UNC13C: variants seen among roughly 807,000 people sequenced by gnomAD.
UNC13C encodes the protein unc-13 homolog C, also known as protein unc-13 homolog C.
In UNC13C, 174 loss-of-function variants were observed where a neutral mutation model predicts 245.4. The observed-to-expected ratio is 0.71, with a 90% CI of 0.63 to 0.80. UNC13C has a LOEUF of 0.80. UNC13C is among the 30% of genes least tolerant of loss of function. The probability of loss-of-function intolerance (pLI) is 0.00; values close to 1 mark genes in which losing one functional copy is unlikely to be tolerated. For synonymous variants in UNC13C, 992 were observed against 895.1 expected (o/e 1.11, Z -1.93); for missense variants, 2,829 against 2,602.9 (o/e 1.09, Z -1.89).
At chr15:53,987,200 A>T (rs1289260164) in intron 1 of UNC13C, among the ~76,000 whole-genome samples, 2 of 152,078 alleles carry the variant, frequency 1.3e-5, no homozygotes, top group African/African-American at 4.8e-5. Context: ...TATTTTAGAT[A>T]AATAGGCATT....
intron 1 of UNC13C, among the ~76,000 whole-genome samples, chr15:53,979,634 A>G (rs1294979926): frequency 1.3e-5 from 2 of 152,114 alleles, no homozygotes; most frequent in Non-Finnish European, 2.9e-5. Flanking sequence ...CAGATATACA[A>G]CAATAGTAAT....
chr15:54,529,462 C>T (rs182627447), intron 25 of UNC13C, among the ~76,000 whole-genome samples: 2 of 152,010 alleles, frequency 1.3e-5, no homozygotes, highest in Admixed American at 6.6e-5. Context: ...AATGTAAATG[C>T]TAAAATACAA....
chr15:54,288,473 G>A (rs1201027147), intron 10 of UNC13C, among the ~76,000 whole-genome samples: 1 of 152,004 alleles, frequency 6.6e-6, no homozygotes, highest in East Asian at 1.9e-4. Context: ...TTCCTAGCTG[G>A]GGAGATGCTC....
rs1324914143 is a variant in UNC13C, at chr15:54,567,702, AATTGT to A, written c.5959-94_5959-90del. The A allele has an allele frequency of 2.6e-6, 3 of 1,165,270 alleles. No homozygotes were observed. In the African/African-American group the frequency reaches 4.7e-5, roughly 18 times the overall value. 72.2% of individuals were successfully genotyped at this position (1,165,270 alleles called of 1,614,324 possible). A position where few individuals can be genotyped will look rare whatever the true frequency, so the allele number is the denominator to read the frequency against. On this transcript the variant is annotated intron_variant, in intron 29 of 32. Transcript: ENST00000260323. ...ATTTTTTTGTATCTTGCATTGATCA[AATTGT>A]ATTATTCCATTTGAGCTTCTCTATT... is the stretch of plus-strand genomic sequence containing the variant.
intron 4 of UNC13C, among the ~76,000 whole-genome samples, chr15:54,195,663 A>C (rs765727312): frequency 1.3e-5 from 2 of 152,092 alleles, no homozygotes; most frequent in Non-Finnish European, 2.9e-5. Flanking sequence ...TTTCGTCTCT[A>C]TACTCTTACA....
At chr15:54,003,131 C>A (rs1249110932) in intron 1 of UNC13C, among the ~76,000 whole-genome samples, 1 of 152,116 alleles carries the variant, frequency 6.6e-6, no homozygotes, top group African/African-American at 2.4e-5. Context: ...AACCCTGCTG[C>A]CTGAATTCAG....
intron 30 of UNC13C, among the ~76,000 whole-genome samples, chr15:54,602,973 ATAGG>A (rs571701870): frequency 5.4e-3 from 218 of 40,304 alleles, no homozygotes; most frequent in African/African-American, 0.037. Flanking sequence ...AGGCAAGATA[ATAGG>A]TAGGATCAGT....
At chr15:53,928,963 G>T in the UNC13C span, among the ~76,000 whole-genome samples, 1 of 152,170 alleles carries the variant, frequency 6.6e-6, no homozygotes, top group African/African-American at 2.4e-5. Context: ...GAAAGAAAAG[G>T]ATCATACTTA....
At chr15:54,597,422 G>A (rs548167688) in intron 30 of UNC13C, among the ~76,000 whole-genome samples, 58 of 152,140 alleles carry the variant, frequency 3.8e-4, no homozygotes, top group African/African-American at 1.2e-3. Context: ...CGAACCTACA[G>A]GCCAAAGTTT....
At chr15:53,983,494 C>A (rs1894007322) in intron 1 of UNC13C, among the ~76,000 whole-genome samples, 1 of 152,062 alleles carries the variant, frequency 6.6e-6, no homozygotes, top group African/African-American at 2.4e-5. Context: ...AAAATTAATA[C>A]TTGATTCTTT....
intron 24 of UNC13C, among the ~76,000 whole-genome samples, chr15:54,514,364 C>G (rs900519535): frequency 1.3e-5 from 2 of 152,184 alleles, no homozygotes; most frequent in African/African-American, 2.4e-5. Flanking sequence ...GGTTGTAAAA[C>G]CTTTCACTGG....
chr15:54,414,852 G>C, intron 18 of UNC13C, 130 bp from the exon 19 acceptor site: 1 of 518,116 alleles, frequency 1.9e-6, no homozygotes, highest in Non-Finnish European at 3.3e-6. Flanking sequence ...AGTTCATAAA[G>C]AGAAATGTCA....
intron 19 of UNC13C, among the ~76,000 whole-genome samples, chr15:54,436,835 AAAAT>A (rs1434733886): frequency 6.6e-6 from 1 of 151,974 alleles, no homozygotes; most frequent in Non-Finnish European, 1.5e-5. Flanking sequence ...TAAAATTAAG[AAAAT>A]AAAAAGAAAA....
At chr15:53,926,932 G>A in the UNC13C span, among the ~76,000 whole-genome samples, 13 of 152,136 alleles carry the variant, frequency 8.5e-5, no homozygotes, top group Non-Finnish European at 4.4e-5. Flanking sequence ...AGGTAAGCAG[G>A]TGCTGGATTA....
chr15:54,077,355 C>CCTTTT (rs1257535671), intron 2 of UNC13C, among the ~76,000 whole-genome samples: 9 of 124,426 alleles, frequency 7.2e-5, no homozygotes, highest in East Asian at 2.3e-4. Context: ...TTTTATTTTT[C>CCTTTT]CTTTTCTTTT....
At chr15:54,231,779 C>G (rs146559100) in intron 4 of UNC13C, among the ~76,000 whole-genome samples, 2 of 152,076 alleles carry the variant, frequency 1.3e-5, no homozygotes, top group East Asian at 1.9e-4. Context: ...CAGACCTTAC[C>G]TTTAGAGTTA....
At chr15:54,555,620 G>T in intron 29 of UNC13C, 108 bp downstream of exon 29, 1 of 798,286 alleles carries the variant, frequency 1.3e-6, no homozygotes, top group Non-Finnish European at 2.0e-6. Flanking sequence ...GCCATTCAAA[G>T]AGATAGTAGA....
intron 19 of UNC13C, among the ~76,000 whole-genome samples, chr15:54,492,630 C>T (rs554917899): frequency 9.2e-5 from 14 of 152,174 alleles, no homozygotes; most frequent in African/African-American, 3.4e-4. Context: ...TACAGTTGAA[C>T]CAAAGGAAAG....
chr15:54,015,308 A>G lies in UNC13C; in HGVS notation c.2405A>G (p.Gln802Arg). 6.2e-7 allele frequency: 1 copy of G among 1,613,802 alleles called. No individual in the cohort carries two copies. Among genetic ancestry groups the G allele is most frequent in the Non-Finnish European group, 8.5e-7 (1 of 1,179,830 alleles). The change falls in exon 2 of 33, where the codon CAG becomes CGG. Residue 802 changes from glutamine to arginine, a missense_variant. Gln to Arg is a conservative substitution (Grantham distance 43, BLOSUM62 1). Transcript: ENST00000260323. ...TTCCCAAAATTTGGATCTACACTGCAGAGGGCTAAATCAGCCTTGGAAGTA... is the reference window on the plus strand; with the variant it reads ...TTCCCAAAATTTGGATCTACACTGCGGAGGGCTAAATCAGCCTTGGAAGTA... Reference protein sequence around the residue: ...FSFPKFGSTLQRAKSALEVVW... With the variant: ...FSFPKFGSTLRRAKSALEVVW...
Sources: allele counts gnomAD v4.1 joint callset (sites outside exome capture counted in the v4.1 genomes callset), GRCh38; gene constraint gnomAD v4.1.1; transcripts MANE v1.5; gene names NCBI Gene and HGNC (gene_info 2026-07-23, HGNC 2026-07-21).